The following TMX4 variants were observed in gnomAD, a reference collection of about 807,000 sequenced individuals.
TMX4 encodes the protein thioredoxin related transmembrane protein 4.
A neutral mutation model predicts 33.3 loss-of-function variants in TMX4; 23 were observed. The ratio of observed to expected loss-of-function variants is 0.69; its 90% CI spans 0.50 to 0.98. The LOEUF is 0.98. TMX4 is among the 50% of genes least tolerant of loss of function. The pLI, the probability that TMX4 is intolerant of heterozygous loss-of-function variation, is 0.00. For synonymous variants in TMX4, 164 were observed against 161.5 expected, an observed-to-expected ratio of 1.02 and a Z score of -0.12; for missense variants, 399 against 448.9, an observed-to-expected ratio of 0.89 and a Z score of 1.01.
At chr20:7,995,053 G>T (rs561289019) in intron 5 of TMX4, among the ~76,000 whole-genome samples, 1 of 152,298 alleles carries the variant, frequency 6.6e-6, no homozygotes, top group South Asian at 2.1e-4. Context: ...AAACCTTGTG[G>T]TAGGTATTCT....
intron 1 of TMX4, among the ~76,000 whole-genome samples, chr20:8,017,306 G>T (rs2050780160): frequency 2.0e-5 from 3 of 152,270 alleles, no homozygotes; most frequent in Admixed American, 1.3e-4. Context: ...GATAAAAAGA[G>T]AATGTCTACT....
chr20:8,007,306 C>T (rs1340685287), intron 2 of TMX4, among the ~76,000 whole-genome samples: 1 of 152,094 alleles, frequency 6.6e-6, no homozygotes, highest in Non-Finnish European at 1.5e-5. Context: ...CATCTGGCAA[C>T]CAATCCATCA....
chr20:7,999,023 G>T (rs2050690123), intron 4 of TMX4, among the ~76,000 whole-genome samples: 1 of 152,192 alleles, frequency 6.6e-6, no homozygotes, highest in Non-Finnish European at 1.5e-5. Flanking sequence ...AATGAAATGT[G>T]AGAGTTGTTT....
intron 4 of TMX4, 95 bp from the exon 5 acceptor site, chr20:7,996,166 T>G: frequency 1.0e-6 from 1 of 952,494 alleles, no homozygotes; most frequent in Non-Finnish European, 1.6e-6. Flanking sequence ...TCCCTCCACT[T>G]CTTGCTAAAT....
At position 7,981,467 on chromosome 20, in the gene TMX4, G is replaced by C. The variant is rs2050605832; in HGVS notation, c.*784C>G. The C allele has an allele frequency of 6.6e-6, 1 of 151,954 alleles. No individual in the cohort carries two copies. 9.4% of individuals were successfully genotyped at this position (151,954 alleles called of 1,614,324 possible). On this transcript the variant is annotated 3_prime_UTR_variant, in exon 8 of 8. Coordinates refer to ENST00000246024, the MANE Select transcript of TMX4 (RefSeq NM_021156.4). ...TCTTGTAAAATCCTTACTTCCTTTT[G>C]AGTCTCTGATGGCCACAACATTTCA...
At position 7,980,440 on chromosome 20, in the gene TMX4, G is replaced by A. The variant is rs1277541854; in HGVS notation, c.*1811C>T. 6.6e-6 allele frequency: 1 copy of A among 152,238 alleles called. No homozygotes were observed. The highest frequency in any genetic ancestry group is 6.6e-5 in the Admixed American group (1 of 15,260). The allele number at this position is 152,238 out of a possible 1,614,324, so 9.4% of individuals were successfully genotyped here. On this transcript the variant is annotated 3_prime_UTR_variant, in exon 8 of 8. Transcript: ENST00000246024. ...TCGAGAAAAGCTTCCTGATGTCAGG[G>A]AGATGGAACTGCCACCATCAGAACC...
At chr20:8,014,781 T>C (rs2050766134) in intron 1 of TMX4, among the ~76,000 whole-genome samples, 1 of 152,152 alleles carries the variant, frequency 6.6e-6, no homozygotes, top group South Asian at 2.1e-4. Context: ...TGGTAAAAGC[T>C]TGGATGGGCC....
At chr20:7,995,714 G>C (rs1176720783) in intron 5 of TMX4, among the ~76,000 whole-genome samples, 2 of 151,950 alleles carry the variant, frequency 1.3e-5, no homozygotes, top group Non-Finnish European at 2.9e-5. Context: ...TTCCTTTGTA[G>C]GGAGATATGC....
chr20:7,985,914 A>C (rs566823131), intron 6 of TMX4, among the ~76,000 whole-genome samples: 1 of 152,300 alleles, frequency 6.6e-6, no homozygotes, highest in South Asian at 2.1e-4. Flanking sequence ...CAACATCAAA[A>C]ATAATATTCT....
At chr20:7,993,449 G>A (rs1273679520) in intron 5 of TMX4, among the ~76,000 whole-genome samples, 1 of 152,190 alleles carries the variant, frequency 6.6e-6, no homozygotes, top group Non-Finnish European at 1.5e-5. Flanking sequence ...TGAGCTAACT[G>A]AGCAGGCAGG....
intron 4 of TMX4, among the ~76,000 whole-genome samples, chr20:7,997,582 T>G (rs2050682029): frequency 6.6e-6 from 1 of 151,710 alleles, no homozygotes; most frequent in South Asian, 2.1e-4. Context: ...GTGCCCACCT[T>G]ATCTAAAAAA....
chr20:7,982,267 G>C lies in TMX4; in HGVS notation c.1034C>G (p.Ala345Gly). The C allele has an allele frequency of 1.9e-6, 3 of 1,613,718 alleles. No individual in the cohort carries two copies. Among genetic ancestry groups the C allele is most frequent in the Non-Finnish European group, 2.5e-6 (3 of 1,179,854 alleles). Residue 345 changes from alanine to glycine, a missense_variant, in exon 8 of 8, where the codon GCT becomes GGT. Coordinates refer to ENST00000246024, the MANE Select transcript of TMX4 (RefSeq NM_021156.4). Reference protein sequence around the residue: ...DSLRQRKSQHADKGL With the variant: ...DSLRQRKSQHGDKGL ...TCATTAAATCTACAGTCCCTTGTCA[G>C]CATGCTGACTTTTACGCTGCCTCAA...
chr20:7,982,327 G>T lies in TMX4; in HGVS notation c.974C>A (p.Pro325His). 1 of 1,614,042 alleles carries T rather than the reference G, an allele frequency of 6.2e-7. No homozygotes were observed. The highest frequency in any genetic ancestry group is 8.5e-7 in the Non-Finnish European group (1 of 1,180,016). The part of the protein sequence containing the change: ...EEAEEGISEQ[P>H]CPADTEVVED... Reference sequence around the variant, plus strand: ...CACCACCTCTGTGTCAGCTGGGCAGGGTTGCTCAGAGATGCCTTCTTCAGC... The same window carrying T: ...CACCACCTCTGTGTCAGCTGGGCAGTGTTGCTCAGAGATGCCTTCTTCAGC... Residue 325 changes from proline (P) to histidine (H), a missense_variant, in exon 8 of 8, where the codon CCC becomes CAC. Physicochemically the swap from Pro to His is moderately conservative, Grantham distance 77. Transcript: ENST00000246024.
At chr20:8,005,433 T>A (rs1245670085) in intron 2 of TMX4, among the ~76,000 whole-genome samples, 3 of 152,206 alleles carry the variant, frequency 2.0e-5, no homozygotes, top group African/African-American at 7.2e-5. Flanking sequence ...TTATAGTCTC[T>A]AGTTTTGATG....
chr20:7,988,083 A>T (rs989650093), intron 5 of TMX4, among the ~76,000 whole-genome samples: 1 of 152,232 alleles, frequency 6.6e-6, no homozygotes, highest in Non-Finnish European at 1.5e-5. Flanking sequence ...TACATGCTAA[A>T]TCATAAAGAA....
intron 2 of TMX4, among the ~76,000 whole-genome samples, chr20:8,005,212 A>G (rs2050723815): frequency 6.6e-6 from 1 of 151,412 alleles, no homozygotes; most frequent in South Asian, 2.1e-4. Flanking sequence ...AAGGGTGATG[A>G]GCAGCTGCTG....
intron 5 of TMX4, among the ~76,000 whole-genome samples, chr20:7,989,331 T>G (rs902024374): frequency 6.6e-6 from 1 of 152,194 alleles, no homozygotes; most frequent in Non-Finnish European, 1.5e-5. Context: ...CTTACTCATA[T>G]GGTTAGGAAA....
intron 2 of TMX4, among the ~76,000 whole-genome samples, chr20:8,002,330 A>G (rs2050710935): frequency 6.6e-6 from 1 of 152,216 alleles, no homozygotes. Context: ...CACAGAGCTT[A>G]TAGTCTAGTA....
At position 7,996,182 on chromosome 20, in the gene TMX4, C is replaced by T. The variant is rs561022312; in HGVS notation, c.468-111G>A. On this transcript the variant is annotated intron_variant, in intron 4 of 7. Transcript: ENST00000246024. ...CCCTCCACTTCTTGCTAAATATTGC[C>T]CCCTCTCCCAGATTCATATCTGTTC... The T allele has an allele frequency of 3.9e-5, 30 of 770,766 alleles. No individual in the cohort carries two copies. The African/African-American group carries it at 4.8e-4, about 12-fold the overall frequency. The allele number at this position is 770,766 out of a possible 1,614,324, so 47.7% of individuals were successfully genotyped here. A position where few individuals can be genotyped will look rare whatever the true frequency, so the allele number is the denominator to read the frequency against.
Sources: gnomAD v4.1 joint callset for allele counts (sites outside exome capture counted in the v4.1 genomes callset) on GRCh38, gnomAD v4.1.1 for gene constraint, MANE v1.5 for transcripts, NCBI Gene and HGNC (gene_info 2026-07-23, HGNC 2026-07-21) for gene names.